The following SEC14L1 variants were observed in gnomAD, a reference collection of about 807,000 sequenced individuals.
SEC14L1 encodes SEC14 like lipid binding 1.
A neutral mutation model predicts 85.3 loss-of-function variants in SEC14L1; 48 were observed. That is an observed-to-expected ratio of 0.56 (90% CI 0.45 to 0.72). SEC14L1 has a LOEUF of 0.72. Among genes scored for constraint, SEC14L1 ranks in the 30% least tolerant of loss-of-function variants. The pLI is 0.00. For synonymous variants in SEC14L1, 391 were observed against 355.5 expected (o/e 1.10, Z -1.12); for missense variants, 682 against 921.4 (o/e 0.74, Z 3.36).
At chr17:77,203,715 C>G in intron 10 of SEC14L1, 57 bp downstream of exon 10, 1 of 1,376,938 alleles carries the variant, frequency 7.3e-7, no homozygotes, top group Non-Finnish European at 1.0e-6. Context: ...TTTTTCTCTG[C>G]CAGTAGGATT....
intron 3 of SEC14L1, among the ~76,000 whole-genome samples, chr17:77,122,339 G>A (rs1371670603): frequency 6.9e-6 from 1 of 145,432 alleles, no homozygotes; most frequent in Non-Finnish European, 1.5e-5. Flanking sequence ...GTCTCACTCT[G>A]TCACCCAGGC....
intron 3 of SEC14L1, among the ~76,000 whole-genome samples, chr17:77,095,857 C>A (rs573270291): frequency 6.6e-6 from 1 of 152,078 alleles, no homozygotes; most frequent in African/African-American, 2.4e-5. Context: ...AAATAAACAG[C>A]CTTCACTAAT....
Position 77,213,972 on chromosome 17 carries a change from C to A in SEC14L1, c.2097C>A (p.Ala699=). 1 of 1,613,510 alleles carries A rather than the reference C, an allele frequency of 6.2e-7. No individual in the cohort carries two copies. The highest frequency in any genetic ancestry group is 8.5e-7 in the Non-Finnish European group (1 of 1,179,978). ...SSHSGFSQLS[A]ATTSSSQSHS... is the part of the protein sequence containing the mutation. The stretch of plus-strand genomic sequence containing the variant: ...ACAGCGGCTTCTCCCAGCTGAGTGC[C>A]GCCACCACCTCCTCCAGCCAGTCCC... Residue 699 remains alanine (A), a synonymous_variant, in exon 17 of 17, where the codon GCC becomes GCA. Transcript: ENST00000436233. This position sits in a 1 kb window ranked among gnomAD's most constrained non-coding sequence, Gnocchi z 7.1.
chr17:77,202,380 A>T (rs1976195712), intron 9 of SEC14L1, among the ~76,000 whole-genome samples: 1 of 152,142 alleles, frequency 6.6e-6, no homozygotes, highest in East Asian at 1.9e-4. Flanking sequence ...GCACTTTGGG[A>T]GGCTGAAGCG....
intron 3 of SEC14L1, among the ~76,000 whole-genome samples, chr17:77,168,711 T>C (rs1462408697): frequency 1.3e-5 from 2 of 152,212 alleles, no homozygotes; most frequent in Non-Finnish European, 2.9e-5. Flanking sequence ...TTGCCTTTTT[T>C]TGCTAACATT....
intron 3 of SEC14L1, among the ~76,000 whole-genome samples, chr17:77,166,794 G>A (rs954293763): frequency 2.6e-5 from 4 of 152,090 alleles, no homozygotes; most frequent in African/African-American, 2.4e-5. Context: ...AGTGAAGATC[G>A]TGCCATTGCA....
At chr17:77,138,645 A>C (rs768598263), upstream of SEC14L1, among the ~76,000 whole-genome samples, 5 of 151,878 alleles carry the variant, frequency 3.3e-5, no homozygotes, top group Non-Finnish European at 5.9e-5. Flanking sequence ...ACAAAAAAAC[A>C]AAAAAAACCT....
intron 3 of SEC14L1, among the ~76,000 whole-genome samples, chr17:77,175,298 A>G (rs1974701858): frequency 6.6e-6 from 1 of 152,252 alleles, no homozygotes; most frequent in Non-Finnish European, 1.5e-5. Context: ...CAGGCCCAGC[A>G]GATTCACACC....
chr17:77,187,646 G>A (rs185636510), intron 3 of SEC14L1, among the ~76,000 whole-genome samples: 6 of 151,930 alleles, frequency 3.9e-5, no homozygotes, highest in South Asian at 2.1e-4. Context: ...CCTAAGTGCT[G>A]GGATTACAGA....
intron 3 of SEC14L1, among the ~76,000 whole-genome samples, chr17:77,186,169 A>G (rs57216346): frequency 0.067 from 10,258 of 152,072 alleles, 451 homozygotes; most frequent in East Asian, 0.27. Context: ...CCTGGAGAGG[A>G]AGGCCAGGGC....
At chr17:77,163,318 G>A (rs1229950033) in intron 3 of SEC14L1, among the ~76,000 whole-genome samples, 2 of 152,160 alleles carry the variant, frequency 1.3e-5, no homozygotes, top group Admixed American at 1.3e-4. Context: ...AGCTGCCAAA[G>A]TGACCTGCTG....
At chr17:77,091,290 G>T (rs139648955) in intron 2 of SEC14L1, among the ~76,000 whole-genome samples, 3 of 152,028 alleles carry the variant, frequency 2.0e-5, no homozygotes, top group Non-Finnish European at 4.4e-5. Flanking sequence ...GTTTCATCAC[G>T]TTGGCCAGGC....
At chr17:77,161,539 G>A (rs948750555) in intron 3 of SEC14L1, among the ~76,000 whole-genome samples, 26 of 152,030 alleles carry the variant, frequency 1.7e-4, no homozygotes, top group Admixed American at 1.7e-3. Flanking sequence ...CTGGTCAATA[G>A]ACTGAGTTCT....
intron 8 of SEC14L1, among the ~76,000 whole-genome samples, chr17:77,197,285 G>A (rs1424387911): frequency 6.6e-6 from 1 of 152,182 alleles, no homozygotes; most frequent in African/African-American, 2.4e-5. Context: ...GGCCACGGAG[G>A]AAGACACTTG....
chr17:77,172,406 G>A lies in SEC14L1; in HGVS notation c.64-18397G>A, dbSNP rs573597050. 2.1e-4 allele frequency among the ~76,000 whole-genome samples: 32 copies of A among 152,170 alleles called. 1 individual carries two copies. In the Middle Eastern group the frequency reaches 0.01, roughly 49 times the overall value. On this transcript the variant is annotated intron_variant, in intron 3 of 16. Transcript: ENST00000436233. ...TGCCCTTTTCCCTCTCTACTTTTGG[G>A]TTCTTTGGCTGTGCTGTTTTATAGC...
At position 77,214,448 on chromosome 17, in the gene SEC14L1, T is replaced by C. The variant is rs1598412733; in HGVS notation, c.*425T>C. On this transcript the variant is annotated 3_prime_UTR_variant, in exon 17 of 17. Coordinates refer to ENST00000436233, the MANE Select transcript of SEC14L1 (RefSeq NM_001143998.2). The stretch of plus-strand genomic sequence containing the variant: ...CTGGGACGGAAGCTGCCAGCTCGCT[T>C]CCCCCAAGCTGCCTCATGGCCCGCA... 6.0e-6 allele frequency: 6 copies of C among 999,018 alleles called. No individual in the cohort carries two copies. The highest frequency in any genetic ancestry group is 7.2e-6 in the Non-Finnish European group (6 of 837,578). The allele number at this position is 999,018 out of a possible 1,614,324, so 61.9% of individuals were successfully genotyped here. A position where few individuals can be genotyped will look rare whatever the true frequency, so the allele number is the denominator to read the frequency against.
At chr17:77,198,678 C>T (rs1975946482) in intron 8 of SEC14L1, among the ~76,000 whole-genome samples, 1 of 151,552 alleles carries the variant, frequency 6.6e-6, no homozygotes, top group Non-Finnish European at 1.5e-5. Flanking sequence ...GGGTTCACGC[C>T]ATTCTTCTGC....
chr17:77,191,306 C>T lies in SEC14L1; in HGVS notation c.339C>T (p.Cys113=), dbSNP rs1312707345. Residue 113 remains cysteine (C), a synonymous_variant, in exon 5 of 17, where the codon TGC becomes TGT. Transcript: ENST00000436233. The stretch of plus-strand genomic sequence containing the variant: ...GGGTCATCATTAATGAGCATTGCTG[C>T]TACACCGTGAGTAATCTGTCACTCG... ...SNRVIINEHC[C]YTVHPENEDW... is the part of the protein sequence containing the mutation. The T allele has an allele frequency of 1.2e-6, 2 of 1,614,006 alleles. No homozygotes were observed. The highest frequency in any genetic ancestry group is 1.3e-5 in the African/African-American group (1 of 74,918).
chr17:77,214,186 T>TTG lies in SEC14L1; in HGVS notation c.*164_*165dup. On this transcript the variant is annotated 3_prime_UTR_variant, in exon 17 of 17. Coordinates refer to ENST00000436233, the MANE Select transcript of SEC14L1 (RefSeq NM_001143998.2). ...GTAGTCGTTTGATCCCAAAACTACC[T>TTG]TGGCAGGTAGTTTTAACTCTGATCC... 1.4e-6 allele frequency: 2 copies of TTG among 1,415,276 alleles called. No individual in the cohort carries two copies. Among genetic ancestry groups the TTG allele is most frequent in the South Asian group, 3.1e-5 (2 of 64,720 alleles). The allele number at this position is 1,415,276 out of a possible 1,614,324, so 87.7% of individuals were successfully genotyped here.
Sources: gnomAD v4.1 joint callset for allele counts (sites outside exome capture counted in the v4.1 genomes callset) on GRCh38, gnomAD v4.1.1 for gene constraint, Gnocchi (gnomAD v3.1) non-coding constraint, MANE v1.5 for transcripts, NCBI Gene and HGNC (gene_info 2026-07-23, HGNC 2026-07-21) for gene names.